SHB: variants seen among roughly 807,000 people sequenced by gnomAD.
SHB encodes SH2 domain-containing adapter protein B.
Under a neutral mutation model 52.3 loss-of-function variants are expected in SHB, and 20 were observed. That is an observed-to-expected ratio of 0.38 (90% confidence interval 0.27 to 0.56). SHB has a LOEUF of 0.56. Among genes scored for constraint, SHB ranks in the 20% least tolerant of loss-of-function variants. The probability of loss-of-function intolerance (pLI) is 0.71; values close to 1 mark genes in which losing one functional copy is unlikely to be tolerated. For missense variants in SHB, 825 were observed against 723.3 expected, an observed-to-expected ratio of 1.14 and a Z score of -1.61; for synonymous variants, 397 against 316.5, an observed-to-expected ratio of 1.25 and a Z score of -2.70.
chr9:38,016,958 G>A (rs1007769748), intron 1 of SHB, among the ~76,000 whole-genome samples: 1 of 152,234 alleles, frequency 6.6e-6, no homozygotes, highest in Non-Finnish European at 1.5e-5. Context: ...TCACCTGGGG[G>A]TGGGGGGCAC....
chr9:37,932,330 A>G (rs1082866), intron 5 of SHB, among the ~76,000 whole-genome samples: 8,686 of 150,638 alleles, frequency 0.058, 340 homozygotes, highest in Middle Eastern at 0.12. Flanking sequence ...TCTCATTTAC[A>G]TGTGGAATCT....
At chr9:37,983,701 T>A (rs1041832409) in intron 2 of SHB, among the ~76,000 whole-genome samples, 11 of 152,134 alleles carry the variant, frequency 7.2e-5, no homozygotes, top group African/African-American at 2.7e-4. Context: ...CCAGGAAACC[T>A]CTATTCTGCC....
At chr9:38,033,440 A>C (rs961952905) in intron 1 of SHB, among the ~76,000 whole-genome samples, 1 of 152,210 alleles carries the variant, frequency 6.6e-6, no homozygotes, top group African/African-American at 2.4e-5. Flanking sequence ...GCGGTGGCTC[A>C]TGCTGGTAGA....
intron 5 of SHB, among the ~76,000 whole-genome samples, chr9:37,924,192 G>C (rs943855800): frequency 3.9e-5 from 6 of 152,232 alleles, no homozygotes; most frequent in African/African-American, 1.4e-4. Flanking sequence ...CAGGCGTTCA[G>C]ATCGCTCATT....
intron 1 of SHB, among the ~76,000 whole-genome samples, chr9:38,039,229 C>G (rs1281839811): frequency 1.3e-5 from 2 of 151,982 alleles, no homozygotes; most frequent in Admixed American, 6.5e-5. Flanking sequence ...CCAAACCAGA[C>G]AAAAAAACCT....
chr9:37,985,580 A>T (rs1338762111), intron 2 of SHB, among the ~76,000 whole-genome samples: 1 of 152,244 alleles, frequency 6.6e-6, no homozygotes, highest in Non-Finnish European at 1.5e-5. Flanking sequence ...GGCCAAAAGC[A>T]GGGGGCGAGT....
chr9:38,037,604 A>G (rs1469588176), intron 1 of SHB, among the ~76,000 whole-genome samples: 1 of 152,158 alleles, frequency 6.6e-6, no homozygotes, highest in African/African-American at 2.4e-5. Flanking sequence ...GGGGATAGTA[A>G]CAGAACCCAC....
At chr9:38,002,225 T>C (rs1011981822) in intron 2 of SHB, among the ~76,000 whole-genome samples, 3 of 152,156 alleles carry the variant, frequency 2.0e-5, no homozygotes, top group African/African-American at 7.2e-5. Flanking sequence ...TAAATGGTGA[T>C]AGCAATAACC....
intron 2 of SHB, among the ~76,000 whole-genome samples, chr9:38,009,620 A>C (rs1338464750): frequency 1.3e-5 from 2 of 151,972 alleles, no homozygotes; most frequent in African/African-American, 4.8e-5. Flanking sequence ...AACATGATAA[A>C]CCCCATGATT....
intron 5 of SHB, among the ~76,000 whole-genome samples, chr9:37,934,581 GT>G (rs1272910235): frequency 6.6e-6 from 1 of 152,134 alleles, no homozygotes; most frequent in Non-Finnish European, 1.5e-5. Context: ...GATTACAGGC[GT>G]GAGCCACTGT....
At chr9:38,008,701 C>T (rs1821101912) in intron 2 of SHB, among the ~76,000 whole-genome samples, 1 of 152,206 alleles carries the variant, frequency 6.6e-6, no homozygotes, top group African/African-American at 2.4e-5. Flanking sequence ...TCCTCAAGGA[C>T]AGTTCCATCC....
chr9:37,947,666 C>T (rs1270543141), intron 5 of SHB, among the ~76,000 whole-genome samples: 1 of 152,212 alleles, frequency 6.6e-6, no homozygotes, highest in Non-Finnish European at 1.5e-5. Context: ...AGAACACAGG[C>T]CAGTTTCACC....
At chr9:37,929,678 G>A (rs910976056) in intron 5 of SHB, among the ~76,000 whole-genome samples, 3 of 152,242 alleles carry the variant, frequency 2.0e-5, no homozygotes, top group Admixed American at 6.5e-5. Flanking sequence ...GGATACCTGG[G>A]TTCTGGCCCA....
At chr9:38,053,274 G>A (rs978132098) in intron 1 of SHB, among the ~76,000 whole-genome samples, 1 of 151,720 alleles carries the variant, frequency 6.6e-6, no homozygotes, top group Non-Finnish European at 1.5e-5. Flanking sequence ...GTCACTCTCT[G>A]TTACCGAGGC....
chr9:37,974,664 G>C lies in SHB; in HGVS notation c.1012C>G (p.Gln338Glu). The change falls in exon 3 of 6, where the codon CAG becomes GAG. Residue 338 changes from glutamine (Q) to glutamate (E), a missense_variant. By Grantham distance (29) the Gln-to-Glu change is conservative. Transcript: ENST00000377707. ...DDDRPADEYDQPWEWNRVTIP... is the reference protein window; with the variant it reads ...DDDRPADEYDEPWEWNRVTIP... ...GTGACCCGGTTCCACTCCCAAGGCTGGTCGTACTCATCGGCGGGCCTGTCG... is the reference window on the plus strand; with the variant it reads ...GTGACCCGGTTCCACTCCCAAGGCTCGTCGTACTCATCGGCGGGCCTGTCG... 6.2e-7 allele frequency: 1 copy of C among 1,613,944 alleles called. No homozygotes were observed. The highest frequency in any genetic ancestry group is 1.1e-5 in the South Asian group (1 of 91,056).
At chr9:38,012,771 A>C (rs972264654) in intron 2 of SHB, among the ~76,000 whole-genome samples, 1 of 150,340 alleles carries the variant, frequency 6.7e-6, no homozygotes, top group African/African-American at 2.5e-5. Context: ...TGTCAGCGTT[A>C]TGCTTACTTA....
intron 2 of SHB, among the ~76,000 whole-genome samples, chr9:38,013,412 G>A (rs987939125): frequency 5.9e-5 from 9 of 152,146 alleles, no homozygotes; most frequent in Non-Finnish European, 1.3e-4. Flanking sequence ...GACCAGCCTA[G>A]ATGACACAGT....
chr9:37,975,105 G>C (rs919633245), intron 2 of SHB, among the ~76,000 whole-genome samples: 2 of 152,182 alleles, frequency 1.3e-5, no homozygotes, highest in Non-Finnish European at 2.9e-5. Flanking sequence ...AGGCTTAAGA[G>C]GCAGAGCCCA....
chr9:37,937,433 T>A (rs1832383802), intron 5 of SHB, among the ~76,000 whole-genome samples: 1 of 151,690 alleles, frequency 6.6e-6, no homozygotes, highest in Admixed American at 6.6e-5. Flanking sequence ...TTTCTGATAT[T>A]CCTCTTGGGT....
Sources: gnomAD v4.1 joint callset for allele counts (sites outside exome capture counted in the v4.1 genomes callset) on GRCh38, gnomAD v4.1.1 for gene constraint, MANE v1.5 for transcripts, NCBI Gene and HGNC (gene_info 2026-07-23, HGNC 2026-07-21) for gene names.